Variants in CFAP91 observed in about 807,000 individuals in gnomAD.
The protein encoded by CFAP91 is cilia and flagella associated protein 91, also known as cilia- and flagella-associated protein 91.
In CFAP91, 85 loss-of-function variants were observed where a neutral mutation model predicts 95.9. The ratio of observed to expected loss-of-function variants is 0.89; its 90% CI spans 0.74 to 1.06. The LOEUF is 1.06. Ranked by LOEUF, CFAP91 falls within the 50% of genes least tolerant of loss-of-function variation. The pLI is 0.00. For missense variants in CFAP91, 962 were observed against 943.4 expected (o/e 1.02, Z -0.26); for synonymous variants, 335 against 327.5 (o/e 1.02, Z -0.25).
intron 11 of CFAP91, among the ~76,000 whole-genome samples, chr3:119,738,411 C>A: frequency 8.2e-6 from 1 of 121,600 alleles, no homozygotes; most frequent in Non-Finnish European, 1.6e-5. Flanking sequence ...TGCAGTGGTG[C>A]AACCTTGGCT....
At chr3:119,764,050 A>G (rs1190781509) in intron 17 of CFAP91, among the ~76,000 whole-genome samples, 2 of 152,122 alleles carry the variant, frequency 1.3e-5, no homozygotes, top group Non-Finnish European at 2.9e-5. Context: ...GCCATTCTAC[A>G]ACGTGCACGT....
At chr3:119,724,821 T>C (rs1014530517) in intron 6 of CFAP91, among the ~76,000 whole-genome samples, 3 of 152,184 alleles carry the variant, frequency 2.0e-5, no homozygotes, top group African/African-American at 7.2e-5. Context: ...CTTGGCTCAC[T>C]GCAACCTCCG....
chr3:119,729,581 C>T (rs1577219374), intron 7 of CFAP91, among the ~76,000 whole-genome samples: 1 of 151,300 alleles, frequency 6.6e-6, no homozygotes, highest in Non-Finnish European at 1.5e-5. Context: ...GAGGCAGAGG[C>T]TGCAGTGAGC....
At position 119,765,376 on chromosome 3, in the gene CFAP91, A is replaced by G. The variant is rs1287700448; in HGVS notation, c.*326A>G. 6.6e-6 allele frequency: 1 copy of G among 152,300 alleles called. No homozygotes were observed. The highest frequency in any genetic ancestry group is 1.9e-4 in the East Asian group (1 of 5,186). The allele number at this position is 152,300 out of a possible 1,614,324, so 9.4% of individuals were successfully genotyped here. On this transcript the variant is annotated 3_prime_UTR_variant, in exon 18 of 18. Coordinates refer to ENST00000273390, the MANE Select transcript of CFAP91 (RefSeq NM_033364.4). ...GGAAATGTTGTGGAATATTTTTCCA[A>G]GTAGTTTTGGTTCACTATTCACAGG...
chr3:119,761,409 T>C (rs914462079), intron 17 of CFAP91, among the ~76,000 whole-genome samples: 1 of 151,844 alleles, frequency 6.6e-6, no homozygotes, highest in African/African-American at 2.4e-5. Flanking sequence ...ACCCAATGGC[T>C]TCACTGCTGA....
intron 12 of CFAP91, among the ~76,000 whole-genome samples, chr3:119,740,315 C>T (rs2054090795): frequency 6.6e-6 from 1 of 152,224 alleles, no homozygotes; most frequent in African/African-American, 2.4e-5. Context: ...GAGGCATTCT[C>T]AGAAATTAAG....
chr3:119,755,732 G>A (rs544498858), intron 17 of CFAP91, among the ~76,000 whole-genome samples: 1 of 152,284 alleles, frequency 6.6e-6, no homozygotes, highest in South Asian at 2.1e-4. Context: ...TGTTCACAGG[G>A]TAAATGCCAA....
chr3:119,725,210 C>G (rs1193552673), intron 6 of CFAP91, among the ~76,000 whole-genome samples: 1 of 152,184 alleles, frequency 6.6e-6, no homozygotes, highest in Non-Finnish European at 1.5e-5. Context: ...TGCTAGGCAC[C>G]TAAGTGTGCT....
intron 14 of CFAP91, among the ~76,000 whole-genome samples, chr3:119,746,455 C>T (rs2054220262): frequency 6.6e-6 from 1 of 152,202 alleles, no homozygotes; most frequent in East Asian, 1.9e-4. Context: ...GACCCAGGAT[C>T]CTTCTAGCTT....
At chr3:119,718,343 T>C (rs1274355967) in intron 6 of CFAP91, among the ~76,000 whole-genome samples, 1 of 152,156 alleles carries the variant, frequency 6.6e-6, no homozygotes, top group Admixed American at 6.5e-5. Context: ...AATAGTAGAA[T>C]AGACGGAGCT....
rs201299306 is a variant in CFAP91 at position 119,735,890 on chromosome 3, ATTCC to A, written c.1345-1472_1345-1469del. On this transcript the variant is annotated intron_variant, in intron 10 of 17. Transcript: ENST00000273390. ...ATAAGAACAACAATATATTTTATTTATTCCTTCTCTTCTGCTCTTCTTATACTTA... is the reference window on the plus strand; with the variant it reads ...ATAAGAACAACAATATATTTTATTTATTCTCTTCTGCTCTTCTTATACTTA... 7.3e-3 allele frequency among the ~76,000 whole-genome samples: 1,111 copies of A among 151,998 alleles called. 7 individuals carry two copies. The highest frequency in any genetic ancestry group is 0.037 in the Middle Eastern group (11 of 294).
chr3:119,703,249 G>A (rs369037835), intron 1 of CFAP91, 27 bp downstream of exon 1: 14 of 1,608,576 alleles, frequency 8.7e-6, no homozygotes, highest in Non-Finnish European at 1.2e-5. Flanking sequence ...ACCTTCCTCC[G>A]CGTCCGTCGC....
intron 6 of CFAP91, among the ~76,000 whole-genome samples, chr3:119,725,249 C>T (rs1269269683): frequency 6.6e-6 from 1 of 152,204 alleles, no homozygotes; most frequent in Admixed American, 6.5e-5. Context: ...TCCAGGGAGG[C>T]ATACGTTGGC....
chr3:119,731,060 GACC>G (rs1308779017), intron 8 of CFAP91, among the ~76,000 whole-genome samples: 2 of 151,870 alleles, frequency 1.3e-5, no homozygotes, highest in Non-Finnish European at 2.9e-5. Flanking sequence ...AGCATAGTGA[GACC>G]ACGTCTCTAC....
Position 119,703,199 on chromosome 3 carries a change from A to G in CFAP91, c.101A>G (p.Asn34Ser). The G allele has an allele frequency of 6.2e-7, 1 of 1,611,862 alleles. No homozygotes were observed. Among genetic ancestry groups the G allele is most frequent in the Non-Finnish European group, 8.5e-7 (1 of 1,179,058 alleles). ...CGGGCTGGGAGCCACATCTCCTCCA[A>G]TCGAGCGTATGATTTTCTGTACGGT... ...RSRAGSHISS[N>S]RAYDFLYDPL... The change falls in exon 1 of 18, where the codon AAT becomes AGT. Residue 34 changes from asparagine to serine, a missense_variant. By Grantham distance (46) the Asn-to-Ser change is conservative. Coordinates refer to ENST00000273390, the MANE Select transcript of CFAP91 (RefSeq NM_033364.4).
chr3:119,722,593 A>G (rs751930878), intron 6 of CFAP91, among the ~76,000 whole-genome samples: 4 of 152,130 alleles, frequency 2.6e-5, no homozygotes, highest in Non-Finnish European at 5.9e-5. Context: ...GGCTCAAGTG[A>G]TCCTCTCACC....
chr3:119,727,009 T>C (rs911876353), intron 7 of CFAP91, among the ~76,000 whole-genome samples: 2 of 152,194 alleles, frequency 1.3e-5, no homozygotes, highest in Admixed American at 6.5e-5. Flanking sequence ...TTAACTGATA[T>C]ATTTTCAGTA....
At chr3:119,715,523 TA>T (rs2053557182) in intron 5 of CFAP91, 38 bp from the exon 6 acceptor site, 1 of 1,524,676 alleles carries the variant, frequency 6.6e-7, no homozygotes, top group Admixed American at 1.7e-5. Flanking sequence ...TAAGTGACCA[TA>T]ACAGGTTTCA....
In CFAP91 at chr3:119,707,487, T is replaced by C; in HGVS notation, c.285T>C (p.Pro95=). Residue 95 remains proline (P), a synonymous_variant, in exon 3 of 18, where the codon CCT becomes CCC. Transcript: ENST00000273390. Reference sequence around the variant, plus strand: ...CTCTATATTGGAGCAAGTCAGATCCTGTCCCACCATTTATCAGTCGGGAAT... The same window carrying C: ...CTCTATATTGGAGCAAGTCAGATCCCGTCCCACCATTTATCAGTCGGGAAT... ...RYSLYWSKSD[P]VPPFISREWK... 1 of 1,599,244 alleles carries C rather than the reference T, an allele frequency of 6.3e-7. No homozygotes were observed. Among genetic ancestry groups the C allele is most frequent in the South Asian group, 1.1e-5 (1 of 89,130 alleles).
Sources: allele counts gnomAD v4.1 joint callset (sites outside exome capture counted in the v4.1 genomes callset), GRCh38; gene constraint gnomAD v4.1.1; transcripts MANE v1.5; gene names NCBI Gene and HGNC (gene_info 2026-07-23, HGNC 2026-07-21).